The following UBE2L6 variants were observed in gnomAD, a reference collection of about 807,000 sequenced individuals.
UBE2L6 encodes the protein ubiquitin/ISG15-conjugating enzyme E2 L6.
In UBE2L6, 11 loss-of-function variants were observed where a neutral mutation model predicts 13.6. The observed-to-expected ratio is 0.81, with a 90% confidence interval of 0.51 to 1.34. The LOEUF is 1.34. Among genes scored for constraint, UBE2L6 ranks in the 40% most tolerant of loss-of-function variants. The pLI is 0.00. For missense variants in UBE2L6, 197 were observed against 199.5 expected (o/e 0.99, Z 0.07); for synonymous variants, 74 against 83.2 (o/e 0.89, Z 0.60).
At chr11:57,561,050 G>C (rs1248424472) in intron 1 of UBE2L6, among the ~76,000 whole-genome samples, 1 of 152,164 alleles carries the variant, frequency 6.6e-6, no homozygotes, top group East Asian at 1.9e-4. Flanking sequence ...GCTCTTAGGA[G>C]GCTTTTCTCC....
intron 1 of UBE2L6, among the ~76,000 whole-genome samples, chr11:57,564,677 C>A (rs548897194): frequency 2.6e-5 from 4 of 152,098 alleles, no homozygotes; most frequent in Admixed American, 1.3e-4. Flanking sequence ...GTGGCGGGTG[C>A]CTGTAACCCC....
At chr11:57,567,685 C>A (rs1945104612), upstream of UBE2L6, 2 of 1,528,324 alleles carry the variant, frequency 1.3e-6, no homozygotes, top group Admixed American at 4.0e-5. Context: ...CGCGCCCCGC[C>A]CCGCCCCGGG....
intron 2 of UBE2L6, among the ~76,000 whole-genome samples, chr11:57,558,351 T>A (rs556034436): frequency 2.0e-5 from 3 of 152,184 alleles, no homozygotes; most frequent in African/African-American, 7.2e-5. Flanking sequence ...AGTGCTGGGA[T>A]TACAGGTGTA....
chr11:57,559,889 T>C (rs1221647777), intron 2 of UBE2L6, among the ~76,000 whole-genome samples: 4 of 152,226 alleles, frequency 2.6e-5, no homozygotes, highest in African/African-American at 9.6e-5. Context: ...AGAAATGAGC[T>C]ATTTGTGTTT....
intron 3 of UBE2L6, 126 bp downstream of exon 3, chr11:57,554,311 C>T (rs1590807426): frequency 8.7e-7 from 1 of 1,152,276 alleles, no homozygotes; most frequent in Non-Finnish European, 1.2e-6. Context: ...ATAGTAAGTT[C>T]AGCCAAGACT....
intron 1 of UBE2L6, among the ~76,000 whole-genome samples, chr11:57,566,542 T>C (rs1189679525): frequency 6.6e-6 from 1 of 151,436 alleles, no homozygotes; most frequent in Non-Finnish European, 1.5e-5. Flanking sequence ...TGGCATGTAA[T>C]GGTTCCAATG....
chr11:57,567,715 C>T (rs1248548324), upstream of UBE2L6: 1 of 1,401,428 alleles, frequency 7.1e-7, no homozygotes, highest in African/African-American at 1.5e-5. Context: ...CCCGGCAGCC[C>T]CGCCCACCCC....
chr11:57,565,410 A>G (rs941373046), intron 1 of UBE2L6, among the ~76,000 whole-genome samples: 1 of 132,814 alleles, frequency 7.5e-6, no homozygotes, highest in Non-Finnish European at 1.5e-5. Context: ...TGTCACCCAG[A>G]TTGGAGTCCA....
At chr11:57,560,623 CTTTTTTTT>C (rs11301277) in intron 1 of UBE2L6, 191 bp from the exon 2 acceptor site, 2 of 376,300 alleles carry the variant, frequency 5.3e-6, no homozygotes, top group African/African-American at 4.6e-5. Context: ...TTTCTTTTTT[CTTTTTTTT>C]TTTTTTTGAG....
chr11:57,562,724 C>T (rs1945056688), intron 1 of UBE2L6, among the ~76,000 whole-genome samples: 1 of 152,210 alleles, frequency 6.6e-6, no homozygotes, highest in South Asian at 2.1e-4. Flanking sequence ...TTATCCAAAA[C>T]CACAAAGGTA....
At chr11:57,566,928 T>C in intron 1 of UBE2L6, 3 of 437,420 alleles carry the variant, frequency 6.9e-6, no homozygotes, top group Non-Finnish European at 1.4e-5. Flanking sequence ...AAGGGCCGGA[T>C]TTGTGTTCAT....
intron 1 of UBE2L6, among the ~76,000 whole-genome samples, chr11:57,563,752 A>G (rs78541610): frequency 7.4e-6 from 1 of 135,406 alleles, no homozygotes; most frequent in Non-Finnish European, 1.6e-5. Flanking sequence ...AAAAAAAAAA[A>G]TTAGCCGGGC....
intron 1 of UBE2L6, among the ~76,000 whole-genome samples, chr11:57,565,116 C>A (rs544873155): frequency 3.9e-5 from 6 of 151,956 alleles, no homozygotes; most frequent in African/African-American, 1.4e-4. Context: ...ATGGTGCCTG[C>A]CTGTAATCCC....
intron 1 of UBE2L6, among the ~76,000 whole-genome samples, chr11:57,561,617 A>G (rs1945047957): frequency 6.6e-6 from 1 of 152,208 alleles, no homozygotes; most frequent in Non-Finnish European, 1.5e-5. Flanking sequence ...GGGAAACATA[A>G]GTACAGTATG....
chr11:57,563,403 T>C (rs1002955119), intron 1 of UBE2L6, among the ~76,000 whole-genome samples: 5 of 149,418 alleles, frequency 3.3e-5, no homozygotes, highest in Non-Finnish European at 7.4e-5. Context: ...GGCAGGAGAA[T>C]TGGAGAGGCA....
chr11:57,556,074 G>T (rs1944994836), intron 2 of UBE2L6, among the ~76,000 whole-genome samples: 2 of 152,148 alleles, frequency 1.3e-5, no homozygotes, highest in African/African-American at 4.8e-5. Context: ...GCACCTGTCT[G>T]TGCTGTCCTG....
At chr11:57,562,390 C>A (rs1342285069) in intron 1 of UBE2L6, among the ~76,000 whole-genome samples, 1 of 152,234 alleles carries the variant, frequency 6.6e-6, no homozygotes, top group East Asian at 1.9e-4. Flanking sequence ...CTCTGGGGCC[C>A]AGCAGTGAAC....
chr11:57,554,656 C>A, intron 2 of UBE2L6, 33 bp from the exon 3 acceptor site: 1 of 1,612,796 alleles, frequency 6.2e-7, no homozygotes. Context: ...AAGCTCCAGT[C>A]TGGTTTTCCT....
intron 1 of UBE2L6, among the ~76,000 whole-genome samples, chr11:57,562,863 C>T (rs1945057898): frequency 6.6e-6 from 1 of 152,088 alleles, no homozygotes; most frequent in Admixed American, 6.5e-5. Context: ...CGAAAGCCTT[C>T]CCAAGAAGGA....
Sources: allele counts gnomAD v4.1 joint callset (sites outside exome capture counted in the v4.1 genomes callset), GRCh38; gene constraint gnomAD v4.1.1; transcripts MANE v1.5; gene names NCBI Gene and HGNC (gene_info 2026-07-23, HGNC 2026-07-21).